The following CFAP44 variants were observed in gnomAD, a reference collection of about 807,000 sequenced individuals.
CFAP44 encodes the protein cilia and flagella associated protein 44, also known as cilia- and flagella-associated protein 44.
In CFAP44, 134 loss-of-function variants were observed where a neutral mutation model predicts 216.2. The observed-to-expected ratio is 0.62, with a 90% CI of 0.54 to 0.72. The LOEUF (loss-of-function observed/expected upper bound fraction) is 0.72. Ranked by LOEUF, CFAP44 falls within the 30% of genes least tolerant of loss-of-function variation. The pLI is 0.00. For missense variants in CFAP44, 2,035 were observed against 2,182.1 expected (o/e 0.93, Z 1.34); for synonymous variants, 700 against 727.6 (o/e 0.96, Z 0.61).
chr3:113,392,201 T>C (rs1321773675), intron 15 of CFAP44, among the ~76,000 whole-genome samples: 1 of 152,096 alleles, frequency 6.6e-6, no homozygotes, highest in African/African-American at 2.4e-5. Flanking sequence ...ATATACACAA[T>C]GTGTACTCTT....
chr3:113,319,758 A>G (rs1464595441), intron 28 of CFAP44, among the ~76,000 whole-genome samples: 3 of 152,212 alleles, frequency 2.0e-5, no homozygotes. Flanking sequence ...AAATCCATAC[A>G]AAAGATTCAT....
intron 28 of CFAP44, among the ~76,000 whole-genome samples, chr3:113,323,751 T>C (rs1428121309): frequency 6.6e-6 from 1 of 151,948 alleles, no homozygotes; most frequent in Non-Finnish European, 1.5e-5. Context: ...CAATATGAAA[T>C]AGATCATTTG....
At chr3:113,357,972 G>T (rs1227474344) in intron 22 of CFAP44, among the ~76,000 whole-genome samples, 1 of 151,980 alleles carries the variant, frequency 6.6e-6, no homozygotes, top group Non-Finnish European at 1.5e-5. Context: ...ATAAACTGTG[G>T]TATAATCATT....
chr3:113,372,169 G>A (rs1933188655), intron 18 of CFAP44, among the ~76,000 whole-genome samples: 1 of 152,208 alleles, frequency 6.6e-6, no homozygotes, highest in South Asian at 2.1e-4. Flanking sequence ...AAGACAGTGT[G>A]GCGATTCCTC....
intron 1 of CFAP44, among the ~76,000 whole-genome samples, chr3:113,440,217 C>T (rs1433047406): frequency 6.6e-6 from 1 of 152,112 alleles, no homozygotes; most frequent in Non-Finnish European, 1.5e-5. Context: ...GCGCACACCA[C>T]CTCGCCCGGC....
At position 113,302,390 on chromosome 3, in the gene CFAP44, AGATT is replaced by A. The variant is rs369321946; in HGVS notation, c.5077+1522_5077+1525del. On this transcript the variant is annotated intron_variant, in intron 32 of 34. Coordinates refer to ENST00000393845, the MANE Select transcript of CFAP44 (RefSeq NM_001164496.2). ...CATAGTGCACAAACCATAAATAAGT[AGATT>A]GATTAAAAAAATTACTATATTAAGA... 4.1e-3 allele frequency among the ~76,000 whole-genome samples: 621 copies of A among 150,310 alleles called. 5 individuals are homozygous for A. The highest frequency in any genetic ancestry group is 0.014 in the African/African-American group (593 of 40,946).
In CFAP44 at chr3:113,305,062, C is replaced by T. The variant is rs745952692; in HGVS notation, c.4849G>A (p.Val1617Ile). Reference sequence around the variant, plus strand: ...TGGTGGAGCTTGAGCGGAATCACAACTAGCAGTTCATTCAGCCGCTGCTGC... The same window carrying T: ...TGGTGGAGCTTGAGCGGAATCACAATTAGCAGTTCATTCAGCCGCTGCTGC... ...EKQQRLNELL[V>I]VIPLKLHQIE... Residue 1617 changes from valine (V) to isoleucine (I), a missense_variant, in exon 31 of 35, where the codon GTT becomes ATT. Physicochemically the swap from Val to Ile is conservative, Grantham distance 29. Around this residue, in one of 3 missense-constraint regions of CFAP44, gnomAD observed 1,883 missense variants for 2,023.7 expected, o/e 0.93. Transcript: ENST00000393845. 6.5e-7 allele frequency: 1 copy of T among 1,537,268 alleles called. No individual in the cohort carries two copies. Among genetic ancestry groups the T allele is most frequent in the Non-Finnish European group, 8.7e-7 (1 of 1,146,922 alleles).
At chr3:113,440,679 C>G (rs1024165743) in intron 1 of CFAP44, among the ~76,000 whole-genome samples, 12 of 152,178 alleles carry the variant, frequency 7.9e-5, no homozygotes, top group African/African-American at 2.2e-4. Flanking sequence ...TAAAACACAG[C>G]TTTTAATGTG....
At chr3:113,371,953 C>T (rs151277714) in intron 18 of CFAP44, among the ~76,000 whole-genome samples, 1,818 of 152,166 alleles carry the variant, frequency 0.012, 27 homozygotes, top group African/African-American at 0.041. Context: ...AAGACATTTA[C>T]GCAGCCAACA....
intron 15 of CFAP44, among the ~76,000 whole-genome samples, chr3:113,388,000 A>G (rs964870521): frequency 6.6e-6 from 1 of 152,072 alleles, no homozygotes. Flanking sequence ...ACTGCATTTC[A>G]TGGTTGGAGT....
Position 113,320,224 on chromosome 3 carries a change from GTCTC to G in CFAP44, c.4516+6217_4516+6220del, listed in dbSNP as rs111963316. The stretch of plus-strand genomic sequence containing the variant: ...TCCAGAAAATTGAGGAGGTATATTA[GTCTC>G]TCTCTCTCTCTCTCTCTCTCTCTCT... On this transcript the variant is annotated intron_variant, in intron 28 of 34. Coordinates refer to ENST00000393845, the MANE Select transcript of CFAP44 (RefSeq NM_001164496.2). 9.9e-3 allele frequency among the ~76,000 whole-genome samples: 1,403 copies of G among 141,398 alleles called. 23 individuals are homozygous for G. Among genetic ancestry groups the G allele is most frequent in the African/African-American group, 0.031 (1,225 of 39,010 alleles). 92.8% of individuals were successfully genotyped at this position (141,398 alleles called of 152,430 possible).
In CFAP44 at chr3:113,333,526, T is replaced by C. The variant is rs1950257493; in HGVS notation, c.3495A>G (p.Lys1165=). ...YEDPKDLQAI[K]EAQVYMGDFN... is the part of the protein sequence containing the mutation. ...AATCTCCCATATACACCTGGGCTTC[T>C]TTGATGGCTTGAAGATCTTTGGGAT... Residue 1165 remains lysine (K), a synonymous_variant, in exon 25 of 35, where the codon AAA becomes AAG. Transcript: ENST00000393845. 2.0e-6 allele frequency: 3 copies of C among 1,537,140 alleles called. No homozygotes were observed. The highest frequency in any genetic ancestry group is 2.4e-5 in the South Asian group (2 of 84,056).
chr3:113,311,379 A>G (rs1396163742), intron 28 of CFAP44, among the ~76,000 whole-genome samples: 1 of 152,200 alleles, frequency 6.6e-6, no homozygotes, highest in Non-Finnish European at 1.5e-5. Flanking sequence ...TCATGGGGGC[A>G]GTTTCCCCCA....
At position 113,427,076 on chromosome 3, in the gene CFAP44, C is replaced by T. The variant is rs375783344; in HGVS notation, c.253+111G>A. On this transcript the variant is annotated intron_variant, in intron 3 of 34. Transcript: ENST00000393845. ...TACTTGTCCTTTTATCATTCCCACA[C>T]ATATGTACATCCTGCACATTTTTCT... 29 of 1,154,302 alleles carry T rather than the reference C, an allele frequency of 2.5e-5. No homozygotes were observed. The African/African-American group carries it at 3.1e-4, about 12-fold the overall frequency. The allele number at this position is 1,154,302 out of a possible 1,614,324, so 71.5% of individuals were successfully genotyped here. A position where few individuals can be genotyped will look rare whatever the true frequency, so the allele number is the denominator to read the frequency against.
At chr3:113,389,001 T>A (rs1201776560) in intron 15 of CFAP44, among the ~76,000 whole-genome samples, 2 of 152,192 alleles carry the variant, frequency 1.3e-5, no homozygotes, top group Admixed American at 6.5e-5. Flanking sequence ...ACATTGGACT[T>A]AATCTGCACT....
intron 22 of CFAP44, among the ~76,000 whole-genome samples, chr3:113,350,209 A>G (rs1950429794): frequency 6.6e-6 from 1 of 152,154 alleles, no homozygotes; most frequent in African/African-American, 2.4e-5. Context: ...ACAGAGAGAC[A>G]AAGACAGAGA....
intron 17 of CFAP44, among the ~76,000 whole-genome samples, chr3:113,376,364 T>A (rs1418906339): frequency 6.6e-6 from 1 of 151,756 alleles, no homozygotes; most frequent in Non-Finnish European, 1.5e-5. Context: ...AGGGGAGAGG[T>A]CAGGACTAGA....
At chr3:113,402,194 G>T (rs886463262) in intron 9 of CFAP44, among the ~76,000 whole-genome samples, 1 of 152,168 alleles carries the variant, frequency 6.6e-6, no homozygotes, top group Admixed American at 6.5e-5. Context: ...TAGAAGCAAA[G>T]AATATAGATG....
intron 28 of CFAP44, among the ~76,000 whole-genome samples, chr3:113,310,105 T>C (rs80226973): frequency 0.041 from 6,270 of 152,114 alleles, 424 homozygotes; most frequent in African/African-American, 0.14. Context: ...TGGATGGTGT[T>C]AGAGAAGGGC....
Sources: allele counts gnomAD v4.1 joint callset (sites outside exome capture counted in the v4.1 genomes callset), GRCh38; gene constraint gnomAD v4.1.1; regional missense constraint gnomAD v4.1.1; transcripts MANE v1.5; gene names NCBI Gene and HGNC (gene_info 2026-07-23, HGNC 2026-07-21).